SYNJ2BP: variants seen among roughly 807,000 people sequenced by gnomAD.
The protein encoded by SYNJ2BP is synaptojanin-2-binding protein.
A neutral mutation model predicts 16.9 loss-of-function variants in SYNJ2BP; 10 were observed. That is an observed-to-expected ratio of 0.59 (90% confidence interval 0.36 to 1.00). The LOEUF (loss-of-function observed/expected upper bound fraction) is 1.00. SYNJ2BP is among the 50% of genes least tolerant of loss of function. The probability of loss-of-function intolerance (pLI) is 0.01; values close to 1 mark genes in which losing one functional copy is unlikely to be tolerated. For synonymous variants in SYNJ2BP, 54 were observed against 68.4 expected, an observed-to-expected ratio of 0.79 and a Z score of 1.04; for missense variants, 162 against 186.7, an observed-to-expected ratio of 0.87 and a Z score of 0.77.
intron 2 of SYNJ2BP, among the ~76,000 whole-genome samples, chr14:70,387,331 C>G (rs748699546): frequency 8.5e-5 from 13 of 152,102 alleles, no homozygotes; most frequent in Admixed American, 2.6e-4. Flanking sequence ...TTACTGTGGC[C>G]CATGGTAAGG....
intron 1 of SYNJ2BP, among the ~76,000 whole-genome samples, chr14:70,413,300 C>T (rs1297243399): frequency 6.6e-6 from 1 of 152,204 alleles, no homozygotes; most frequent in Non-Finnish European, 1.5e-5. Flanking sequence ...AGATTCCATG[C>T]TATTAGGTTG....
chr14:70,384,662 A>C (rs907929152), intron 2 of SYNJ2BP, among the ~76,000 whole-genome samples: 3 of 152,130 alleles, frequency 2.0e-5, no homozygotes, highest in Non-Finnish European at 4.4e-5. Flanking sequence ...ATAGTGAGTG[A>C]GTTCTCATTA....
chr14:70,400,074 AG>A (rs1187437226), intron 1 of SYNJ2BP, among the ~76,000 whole-genome samples: 1 of 152,238 alleles, frequency 6.6e-6, no homozygotes, highest in Non-Finnish European at 1.5e-5. Context: ...AAAGTCAAAA[AG>A]GATTATTTCA....
At chr14:70,400,165 T>C (rs1003315880) in intron 1 of SYNJ2BP, among the ~76,000 whole-genome samples, 1 of 152,356 alleles carries the variant, frequency 6.6e-6, no homozygotes, top group Non-Finnish European at 1.5e-5. Context: ...TCAAGGACTA[T>C]AATCCATCTT....
At chr14:70,379,491 A>T (rs1042498899) in intron 2 of SYNJ2BP, among the ~76,000 whole-genome samples, 1 of 152,136 alleles carries the variant, frequency 6.6e-6, no homozygotes, top group African/African-American at 2.4e-5. Flanking sequence ...CTACCACCTA[A>T]ATGCCCTTCC....
At chr14:70,404,264 C>T (rs1327296749) in intron 1 of SYNJ2BP, among the ~76,000 whole-genome samples, 1 of 151,992 alleles carries the variant, frequency 6.6e-6, no homozygotes, top group African/African-American at 2.4e-5. Context: ...CCTAGGTGAC[C>T]GGGCAAGACC....
chr14:70,396,524 G>A (rs1888099340), intron 1 of SYNJ2BP, among the ~76,000 whole-genome samples: 1 of 151,966 alleles, frequency 6.6e-6, no homozygotes, highest in African/African-American at 2.4e-5. Context: ...CACAGTGGCT[G>A]CACCATTTTA....
chr14:70,375,835 C>A (rs1887618892), intron 2 of SYNJ2BP, 64 bp from the exon 3 acceptor site: 1 of 1,589,892 alleles, frequency 6.3e-7, no homozygotes, highest in South Asian at 1.1e-5. Flanking sequence ...AATTTATTTT[C>A]AAATGGCCAA....
In SYNJ2BP at chr14:70,367,541, G is replaced by A. The variant is rs569536278; in HGVS notation, c.*5450C>T. 53 of 110,806 alleles carry A rather than the reference G, an allele frequency of 4.8e-4. No homozygotes were observed. Among genetic ancestry groups the A allele is most frequent in the African/African-American group, 1.9e-3 (51 of 27,544 alleles). 6.9% of individuals were successfully genotyped at this position (110,806 alleles called of 1,614,324 possible). The stretch of plus-strand genomic sequence containing the variant: ...CGTGCCACTGCACTCCAGCCTAGGC[G>A]ACAGAGCAAGACTCCGTCTCAAAAA... On this transcript the variant is annotated 3_prime_UTR_variant, in exon 4 of 4. Transcript: ENST00000256366.
At chr14:70,385,989 A>G (rs1307802582) in intron 2 of SYNJ2BP, among the ~76,000 whole-genome samples, 4 of 152,138 alleles carry the variant, frequency 2.6e-5, no homozygotes, top group Admixed American at 1.3e-4. Flanking sequence ...TAGTGCTCAA[A>G]TACTTCTCAC....
Position 70,372,941 on chromosome 14 carries a change from G to A in SYNJ2BP, c.*50C>T, listed in dbSNP as rs1887546877. The A allele has an allele frequency of 6.2e-7, 1 of 1,606,818 alleles. No individual in the cohort carries two copies. The highest frequency in any genetic ancestry group is 1.7e-5 in the Admixed American group (1 of 59,822). ...GACATGGCAGAATAGCAGGGGTGGA[G>A]GGTGAGTGAAATGTATCTTCATTGG... On this transcript the variant is annotated 3_prime_UTR_variant, in exon 4 of 4. Transcript: ENST00000256366.
In SYNJ2BP at chr14:70,417,081, C is replaced by T. The variant is rs1420145875; in HGVS notation, c.-118G>A. On this transcript the variant is annotated 5_prime_UTR_variant, in exon 1 of 4. Transcript: ENST00000256366. ...GGTTTCGGTTTCAGCAGCCTCGAGA[C>T]CCGGAAAAGGAAGCCCGAAGGACTC... is the stretch of plus-strand genomic sequence containing the variant. The T allele has an allele frequency of 1.3e-6, 2 of 1,505,726 alleles. No homozygotes were observed. The highest frequency in any genetic ancestry group is 1.2e-5 in the South Asian group (1 of 82,204). The allele number at this position is 1,505,726 out of a possible 1,614,324, so 93.3% of individuals were successfully genotyped here.
intron 2 of SYNJ2BP, among the ~76,000 whole-genome samples, chr14:70,378,427 T>TC (rs1374146918): frequency 1.4e-5 from 2 of 142,926 alleles, no homozygotes; most frequent in Admixed American, 1.4e-4. Flanking sequence ...CTTCAAACTT[T>TC]TTTTTTTTTT....
intron 1 of SYNJ2BP, among the ~76,000 whole-genome samples, chr14:70,410,144 G>A (rs1347404331): frequency 6.6e-6 from 1 of 152,104 alleles, no homozygotes; most frequent in African/African-American, 2.4e-5. Context: ...ATTGGGTGTG[G>A]TGGCTCACGC....
chr14:70,369,009 A>G lies in SYNJ2BP; in HGVS notation c.*3982T>C, dbSNP rs1887457292. 1 of 152,190 alleles carries G rather than the reference A, an allele frequency of 6.6e-6. No individual in the cohort carries two copies. Among genetic ancestry groups the G allele is most frequent in the South Asian group, 2.1e-4 (1 of 4,816 alleles). 9.4% of individuals were successfully genotyped at this position (152,190 alleles called of 1,614,324 possible). ...ACTTTAGCATGAATCAGTCACCTGG[A>G]AGGATTACAAAAACACAGATTGTGA... On this transcript the variant is annotated 3_prime_UTR_variant, in exon 4 of 4. Transcript: ENST00000256366.
At chr14:70,403,296 T>C (rs1888279333) in intron 1 of SYNJ2BP, among the ~76,000 whole-genome samples, 1 of 152,230 alleles carries the variant, frequency 6.6e-6, no homozygotes, top group Admixed American at 6.5e-5. Flanking sequence ...CATGTGTATG[T>C]GATACTTCAC....
chr14:70,388,688 A>G, intron 1 of SYNJ2BP, 82 bp from the exon 2 acceptor site: 1 of 1,391,848 alleles, frequency 7.2e-7, no homozygotes, highest in African/African-American at 1.5e-5. Flanking sequence ...AAGGGAGGGA[A>G]AGCCTACTGG....
chr14:70,398,748 G>A (rs1460672925), intron 1 of SYNJ2BP, among the ~76,000 whole-genome samples: 3 of 152,170 alleles, frequency 2.0e-5, no homozygotes, highest in African/African-American at 7.2e-5. Flanking sequence ...CATGAAGTGT[G>A]CAGCCAGCAC....
At chr14:70,392,700 A>C (rs1480195255) in intron 1 of SYNJ2BP, among the ~76,000 whole-genome samples, 2 of 152,232 alleles carry the variant, frequency 1.3e-5, no homozygotes, top group Non-Finnish European at 2.9e-5. Flanking sequence ...ACAGGAACTC[A>C]AACTTATTAA....
Sources: gnomAD v4.1 joint callset for allele counts (sites outside exome capture counted in the v4.1 genomes callset) on GRCh38, gnomAD v4.1.1 for gene constraint, MANE v1.5 for transcripts, NCBI Gene and HGNC (gene_info 2026-07-23, HGNC 2026-07-21) for gene names.